The following CADM1 variants were observed in gnomAD, a reference collection of about 807,000 sequenced individuals.
The protein encoded by CADM1 is cell adhesion molecule 1.
A neutral mutation model predicts 53.1 loss-of-function variants in CADM1; 15 were observed. That is an observed-to-expected ratio of 0.28 (90% CI 0.19 to 0.44). The LOEUF (loss-of-function observed/expected upper bound fraction) is 0.44, where lower values mean the gene tolerates loss of function less well. Among genes scored for constraint, CADM1 ranks in the 20% least tolerant of loss-of-function variants. The pLI, the probability that CADM1 is intolerant of heterozygous loss-of-function variation, is 1.00. For synonymous variants in CADM1, 281 were observed against 243.0 expected (o/e 1.16, Z -1.45); for missense variants, 434 against 611.3 (o/e 0.71, Z 3.06).
intron 1 of CADM1, among the ~76,000 whole-genome samples, chr11:115,340,646 ATATATATATATATTTTTT>A (rs1348305580): frequency 1.2e-4 from 4 of 34,608 alleles, no homozygotes; most frequent in African/African-American, 3.2e-4. Context: ...ATATATATAT[ATATATATATATATTTTTT>A]TTTTTTTTTT....
chr11:115,393,956 C>CA (rs1198218952), intron 1 of CADM1, among the ~76,000 whole-genome samples: 1 of 151,858 alleles, frequency 6.6e-6, no homozygotes, highest in Non-Finnish European at 1.5e-5. Context: ...AAAAAGAAAA[C>CA]AAAAAACCTT....
chr11:115,408,607 T>C (rs1329172024), intron 1 of CADM1, among the ~76,000 whole-genome samples: 1 of 152,224 alleles, frequency 6.6e-6, no homozygotes, highest in East Asian at 1.9e-4. Flanking sequence ...CTGCTTTTAC[T>C]ATGCCATATT....
chr11:115,499,882 T>C (rs551327468), intron 1 of CADM1, among the ~76,000 whole-genome samples: 1 of 152,370 alleles, frequency 6.6e-6, no homozygotes, highest in South Asian at 2.1e-4. Context: ...TAATTTTTAA[T>C]GTGAATATGA....
intron 10 of CADM1, among the ~76,000 whole-genome samples, chr11:115,187,581 T>C (rs937563659): frequency 6.6e-6 from 1 of 152,106 alleles, no homozygotes; most frequent in African/African-American, 2.4e-5. Context: ...GCTGGGACTA[T>C]AGGTGCATGC....
In CADM1 at chr11:115,502,327, C is replaced by CTT. The variant is rs11358670; in HGVS notation, c.124+1942_124+1943dup. On this transcript the variant is annotated intron_variant, in intron 1 of 11. Coordinates refer to ENST00000331581, the MANE Select transcript of CADM1 (RefSeq NM_001301043.2). ...ACCACAGCTTTCCACCGCCCCCCGG[C>CTT]TTTTTTTTTTTTTTTTTTTTTTTTT... Among the ~76,000 whole-genome samples the CTT allele has an allele frequency of 9.9e-3, 519 of 52,402 alleles. 59 individuals are homozygous for CTT. Among genetic ancestry groups the CTT allele is most frequent in the Middle Eastern group, 0.048 (2 of 42 alleles). 34.4% of individuals were successfully genotyped at this position (52,402 alleles called of 152,430 possible). A position where few individuals can be genotyped will look rare whatever the true frequency, so the allele number is the denominator to read the frequency against.
At chr11:115,398,359 T>C (rs1947055955) in intron 1 of CADM1, among the ~76,000 whole-genome samples, 1 of 152,210 alleles carries the variant, frequency 6.6e-6, no homozygotes, top group Non-Finnish European at 1.5e-5. Context: ...GAGAGGAACA[T>C]TTCTTGTCAG....
intron 1 of CADM1, among the ~76,000 whole-genome samples, chr11:115,273,596 T>A (rs753865067): frequency 3.9e-5 from 6 of 152,184 alleles, no homozygotes; most frequent in Admixed American, 2.6e-4. Flanking sequence ...GTTACAAAAA[T>A]AAATTGTATT....
intron 1 of CADM1, among the ~76,000 whole-genome samples, chr11:115,317,188 A>G (rs1944689561): frequency 6.6e-6 from 1 of 152,210 alleles, no homozygotes; most frequent in Non-Finnish European, 1.5e-5. Flanking sequence ...ACAAGCAAGT[A>G]AGCCCAGATA....
At position 115,231,476 on chromosome 11, in the gene CADM1, G is replaced by C; in HGVS notation, c.439C>G (p.Leu147Val). The stretch of plus-strand genomic sequence containing the variant: ...GTGTCTTTCTGGATATCGATCATCA[G>C]ATTACGTGGTGGGACTACAAATTAA... ...TITVLVPPRN[L>V]MIDIQKDTAV... The change falls in exon 4 of 12, where the codon CTG becomes GTG. Residue 147 changes from leucine (L) to valine (V), a missense_variant. By Grantham distance (32) the Leu-to-Val change is conservative. Transcript: ENST00000331581. 6.2e-7 allele frequency: 1 copy of C among 1,614,032 alleles called. No individual in the cohort carries two copies. Among genetic ancestry groups the C allele is most frequent in the South Asian group, 1.1e-5 (1 of 91,078 alleles).
chr11:115,464,115 A>G (rs958809310), intron 1 of CADM1, among the ~76,000 whole-genome samples: 3 of 152,130 alleles, frequency 2.0e-5, no homozygotes, highest in Non-Finnish European at 2.9e-5. Flanking sequence ...ACATTGAACC[A>G]ATTAGCAATG....
chr11:115,230,145 T>C (rs574181054), intron 4 of CADM1, among the ~76,000 whole-genome samples: 1 of 152,178 alleles, frequency 6.6e-6, no homozygotes, highest in Non-Finnish European at 1.5e-5. Context: ...TCCAAAACCA[T>C]ACCTAGGAAG....
At chr11:115,284,436 T>C (rs368213405) in intron 1 of CADM1, among the ~76,000 whole-genome samples, 1 of 151,808 alleles carries the variant, frequency 6.6e-6, no homozygotes, top group African/African-American at 2.4e-5. Context: ...TTCTTTTCAA[T>C]AGATTTTCAT....
In CADM1 at chr11:115,292,053, G is replaced by A. The variant is rs577763211; in HGVS notation, c.125-51633C>T. On this transcript the variant is annotated intron_variant, in intron 1 of 11. Coordinates refer to ENST00000331581, the MANE Select transcript of CADM1 (RefSeq NM_001301043.2). Reference sequence around the variant, plus strand: ...ATTTTTCACACCTAAGAATAATGAAGACTAGGGGCTTGTCTTCTGTTTCTT... The same window carrying A: ...ATTTTTCACACCTAAGAATAATGAAAACTAGGGGCTTGTCTTCTGTTTCTT... 3.4e-4 allele frequency among the ~76,000 whole-genome samples: 49 copies of A among 145,776 alleles called. No homozygotes were observed. In the South Asian group the frequency reaches 0.01, roughly 30 times the overall value.
chr11:115,308,543 G>A (rs1944448710), intron 1 of CADM1, among the ~76,000 whole-genome samples: 1 of 151,922 alleles, frequency 6.6e-6, no homozygotes, highest in African/African-American at 2.4e-5. Context: ...GATATGGCAC[G>A]TCTGCAAAAC....
At chr11:115,264,759 C>G (rs574032790) in intron 1 of CADM1, among the ~76,000 whole-genome samples, 58 of 152,116 alleles carry the variant, frequency 3.8e-4, no homozygotes, top group African/African-American at 1.2e-3. Flanking sequence ...GAGGATGAAA[C>G]GAGACAATGA....
intron 1 of CADM1, among the ~76,000 whole-genome samples, chr11:115,476,025 C>T (rs765467312): frequency 6.6e-6 from 1 of 152,000 alleles, no homozygotes; most frequent in Non-Finnish European, 1.5e-5. Context: ...AGTGGGAACT[C>T]AATGAAATGA....
At chr11:115,452,166 GGGT>G (rs1565434930) in intron 1 of CADM1, among the ~76,000 whole-genome samples, 1 of 5,814 alleles carries the variant, frequency 1.7e-4, no homozygotes. Context: ...TGGGGTGGGG[GGGT>G]GGGGGGGCTG....
intron 1 of CADM1, among the ~76,000 whole-genome samples, chr11:115,436,788 A>G (rs1948193521): frequency 1.3e-5 from 2 of 152,190 alleles, no homozygotes; most frequent in Non-Finnish European, 2.9e-5. Flanking sequence ...CTAATCTGCA[A>G]TCCTCTTCCA....
chr11:115,306,534 T>C (rs1205811807), intron 1 of CADM1, among the ~76,000 whole-genome samples: 1 of 151,992 alleles, frequency 6.6e-6, no homozygotes, highest in African/African-American at 2.4e-5. Flanking sequence ...TCTTCTAAAA[T>C]TTTTCATAGT....
Sources: gnomAD v4.1 joint callset for allele counts (sites outside exome capture counted in the v4.1 genomes callset) on GRCh38, gnomAD v4.1.1 for gene constraint, MANE v1.5 for transcripts, NCBI Gene and HGNC (gene_info 2026-07-23, HGNC 2026-07-21) for gene names.